The following DIP2C variants were observed in gnomAD, a reference collection of about 807,000 sequenced individuals.
DIP2C encodes the protein disco-interacting protein 2 homolog C.
A neutral mutation model predicts 192.4 loss-of-function variants in DIP2C; 33 were observed. The ratio of observed to expected loss-of-function variants is 0.17; its 90% CI spans 0.13 to 0.23. DIP2C has a LOEUF of 0.23. DIP2C is among the 10% of genes least tolerant of loss of function. The pLI is 1.00. For synonymous variants in DIP2C, 979 were observed against 864.1 expected (o/e 1.13, Z -2.33); for missense variants, 1,537 against 2,110.1 (o/e 0.73, Z 5.32).
At chr10:667,349 G>A (rs1349650487) in intron 1 of DIP2C, 1 of 152,316 alleles carries the variant, frequency 6.6e-6, no homozygotes, top group Non-Finnish European at 1.5e-5. Context: ...CCTGGGGAGG[G>A]GCAGAGGCAA....
At chr10:368,735 A>G (rs989140142) in intron 18 of DIP2C, among the ~76,000 whole-genome samples, 2 of 152,202 alleles carry the variant, frequency 1.3e-5, no homozygotes, top group African/African-American at 4.8e-5. Flanking sequence ...CTGCTCGCAC[A>G]GGCATGGCTA....
At chr10:657,671 CGCTGGACCTGAT>C (rs1471396070) in intron 1 of DIP2C, among the ~76,000 whole-genome samples, 5 of 120,340 alleles carry the variant, frequency 4.2e-5, no homozygotes, top group Non-Finnish European at 7.1e-5. Context: ...CTGGACCTGC[CGCTGGACCTGAT>C]GCTGGACCTG....
intron 1 of DIP2C, among the ~76,000 whole-genome samples, chr10:589,898 C>T (rs1338412368): frequency 6.6e-6 from 1 of 152,196 alleles, no homozygotes; most frequent in Non-Finnish European, 1.5e-5. Flanking sequence ...ATTAAAACTG[C>T]AATAATTTCA....
At chr10:299,784 C>A (rs572900843) in intron 32 of DIP2C, among the ~76,000 whole-genome samples, 1 of 151,596 alleles carries the variant, frequency 6.6e-6, no homozygotes, top group South Asian at 2.1e-4. Flanking sequence ...GGGACTCTTA[C>A]AATTCAATAG....
intron 2 of DIP2C, among the ~76,000 whole-genome samples, chr10:480,651 C>T (rs77824944): frequency 0.01 from 1,578 of 152,178 alleles, 29 homozygotes; most frequent in African/African-American, 0.036. Context: ...CACCGCATGG[C>T]GTAGGCTCAG....
At chr10:590,034 G>A (rs754257984) in intron 1 of DIP2C, among the ~76,000 whole-genome samples, 2 of 152,234 alleles carry the variant, frequency 1.3e-5, no homozygotes, top group African/African-American at 4.8e-5. Context: ...ACAGGAGAAA[G>A]GTAGGAGTGG....
chr10:478,905 G>A (rs369303753), intron 2 of DIP2C, among the ~76,000 whole-genome samples: 7 of 152,156 alleles, frequency 4.6e-5, no homozygotes, highest in African/African-American at 1.4e-4. Context: ...GGAAGAGAGG[G>A]GTAGGGAGGG....
intron 1 of DIP2C, among the ~76,000 whole-genome samples, chr10:524,431 T>C (rs1164813011): frequency 6.6e-6 from 1 of 152,212 alleles, no homozygotes; most frequent in Non-Finnish European, 1.5e-5. Context: ...AGTATACACA[T>C]TATAGAAGTG....
At chr10:533,925 G>C (rs1847554884) in intron 1 of DIP2C, among the ~76,000 whole-genome samples, 1 of 151,948 alleles carries the variant, frequency 6.6e-6, no homozygotes, top group East Asian at 1.9e-4. Context: ...TCTCCTGCAG[G>C]TATAATAATG....
intron 1 of DIP2C, among the ~76,000 whole-genome samples, chr10:611,488 T>A (rs901580124): frequency 6.6e-6 from 1 of 152,184 alleles, no homozygotes; most frequent in Non-Finnish European, 1.5e-5. Context: ...TTTGGGAAAC[T>A]AACTTTCCCC....
At chr10:553,997 G>C (rs552958334) in intron 1 of DIP2C, among the ~76,000 whole-genome samples, 5 of 151,162 alleles carry the variant, frequency 3.3e-5, no homozygotes, top group East Asian at 2.0e-4. Flanking sequence ...TGGCGAACAG[G>C]CAAGAAATAT....
At chr10:672,307 A>G (rs933401701) in intron 1 of DIP2C, among the ~76,000 whole-genome samples, 3 of 151,940 alleles carry the variant, frequency 2.0e-5, no homozygotes, top group Non-Finnish European at 4.4e-5. Flanking sequence ...GCACGCATGG[A>G]GAAAACGCCA....
At chr10:432,583 A>G (rs1042775997) in intron 4 of DIP2C, among the ~76,000 whole-genome samples, 1 of 152,136 alleles carries the variant, frequency 6.6e-6, no homozygotes, top group Non-Finnish European at 1.5e-5. Flanking sequence ...TTCTTGTTAA[A>G]GGCTTATAGA....
intron 24 of DIP2C, among the ~76,000 whole-genome samples, chr10:353,839 A>G (rs1958941546): frequency 6.6e-6 from 1 of 152,194 alleles, no homozygotes; most frequent in Non-Finnish European, 1.5e-5. Flanking sequence ...ACTGGAACGA[A>G]TTTCATGTTT....
At chr10:626,110 GACC>G (rs1294846904) in intron 1 of DIP2C, among the ~76,000 whole-genome samples, 6 of 152,172 alleles carry the variant, frequency 3.9e-5, no homozygotes, top group African/African-American at 1.4e-4. Context: ...TTCGTCCATG[GACC>G]ACGACAAAAG....
chr10:532,565 G>T (rs1393026201), intron 1 of DIP2C, among the ~76,000 whole-genome samples: 1 of 147,940 alleles, frequency 6.8e-6, no homozygotes, highest in Non-Finnish European at 1.5e-5. Flanking sequence ...GGGTGAGAGA[G>T]AGAGTATGGG....
intron 1 of DIP2C, among the ~76,000 whole-genome samples, chr10:569,532 C>T (rs1461059470): frequency 1.3e-5 from 2 of 152,082 alleles, no homozygotes; most frequent in African/African-American, 4.8e-5. Context: ...GCATGTGTGG[C>T]CTCTTAAAGT....
chr10:309,115 C>T (rs999084161), intron 32 of DIP2C, among the ~76,000 whole-genome samples: 1 of 152,300 alleles, frequency 6.6e-6, no homozygotes, highest in African/African-American at 2.4e-5. Flanking sequence ...CTACAGTCAC[C>T]AAGTGGAAGA....
chr10:535,569 T>C (rs547472841), intron 1 of DIP2C, among the ~76,000 whole-genome samples: 1 of 152,208 alleles, frequency 6.6e-6, no homozygotes, highest in Non-Finnish European at 1.5e-5. Context: ...CCATTTACAC[T>C]CTGCAGTGAC....
Sources: gnomAD v4.1 joint callset for allele counts (sites outside exome capture counted in the v4.1 genomes callset) on GRCh38, gnomAD v4.1.1 for gene constraint, MANE v1.5 for transcripts, NCBI Gene and HGNC (gene_info 2026-07-23, HGNC 2026-07-21) for gene names.